The following PCDH15 variants were observed in gnomAD, a reference collection of about 807,000 sequenced individuals.
The protein encoded by PCDH15 is protocadherin-15.
A neutral mutation model predicts 178.5 loss-of-function variants in PCDH15; 129 were observed. The ratio of observed to expected loss-of-function variants is 0.72; its 90% CI spans 0.63 to 0.84. The LOEUF is 0.84. PCDH15 is among the 40% of genes least tolerant of loss of function. The probability of loss-of-function intolerance (pLI) is 0.00; values close to 1 mark genes in which losing one functional copy is unlikely to be tolerated. For synonymous variants in PCDH15, 800 were observed against 732.0 expected (o/e 1.09, Z -1.50); for missense variants, 2,230 against 2,099.9 (o/e 1.06, Z -1.21).
intron 2 of PCDH15, among the ~76,000 whole-genome samples, chr10:54,652,012 A>T (rs886824967): frequency 2.0e-5 from 3 of 151,892 alleles, no homozygotes; most frequent in African/African-American, 7.3e-5. Context: ...CAGTTCTTAT[A>T]TGCAAGGAAT....
chr10:55,359,726 A>G (rs1845179312), intron 2 of PCDH15, among the ~76,000 whole-genome samples: 3 of 109,082 alleles, frequency 2.8e-5, no homozygotes, highest in South Asian at 2.8e-4. Flanking sequence ...TGGTGTATAT[A>G]TATATATATA....
intron 1 of PCDH15, among the ~76,000 whole-genome samples, chr10:55,222,679 A>G (rs1840910400): frequency 6.9e-6 from 1 of 145,280 alleles, no homozygotes; most frequent in African/African-American, 2.6e-5. Context: ...GTTGATTGTC[A>G]TCTACAAGTA....
intron 2 of PCDH15, among the ~76,000 whole-genome samples, chr10:55,568,559 TA>T (rs1350761899): frequency 6.6e-6 from 1 of 151,776 alleles, no homozygotes; most frequent in East Asian, 1.9e-4. Flanking sequence ...TAAGAATAAA[TA>T]AATAAAAAAA....
intron 2 of PCDH15, among the ~76,000 whole-genome samples, chr10:55,083,858 C>T (rs1842100878): frequency 1.3e-5 from 2 of 151,590 alleles, no homozygotes; most frequent in African/African-American, 4.8e-5. Context: ...ATAAACTTAA[C>T]CAAACAAATG....
intron 2 of PCDH15, among the ~76,000 whole-genome samples, chr10:55,347,811 G>C (rs1477910053): frequency 2.6e-5 from 4 of 152,128 alleles, no homozygotes; most frequent in African/African-American, 9.7e-5. Flanking sequence ...GCCTGGGCAG[G>C]AGTCATTATA....
At chr10:54,193,640 T>C (rs1591080449) in intron 11 of PCDH15, among the ~76,000 whole-genome samples, 1 of 152,150 alleles carries the variant, frequency 6.6e-6, no homozygotes, top group Non-Finnish European at 1.5e-5. Context: ...TGAAACCCAC[T>C]ATACATCAGA....
chr10:54,371,687 A>G (rs10763102), intron 4 of PCDH15, among the ~76,000 whole-genome samples: 24,836 of 151,676 alleles, frequency 0.16, 2,487 homozygotes, highest in African/African-American at 0.28. Context: ...CACCTACTAT[A>G]TACCCATAAA....
intron 1 of PCDH15, among the ~76,000 whole-genome samples, chr10:55,248,199 T>C (rs1220516969): frequency 1.4e-5 from 2 of 146,446 alleles, no homozygotes; most frequent in East Asian, 2.0e-4. Context: ...TACATACACA[T>C]ATATATATAC....
At chr10:54,133,136 T>G in intron 14 of PCDH15, 129 bp from the exon 15 acceptor site, 1 of 1,142,260 alleles carries the variant, frequency 8.8e-7, no homozygotes, top group Non-Finnish European at 1.3e-6. Flanking sequence ...AATAATACAA[T>G]CAAAATGAAA....
intron 29 of PCDH15, among the ~76,000 whole-genome samples, chr10:53,833,418 T>G (rs1314521994): frequency 1.3e-5 from 2 of 152,132 alleles, no homozygotes; most frequent in Non-Finnish European, 2.9e-5. Flanking sequence ...TGATCTAGAC[T>G]ATCTTTCTTT....
intron 2 of PCDH15, among the ~76,000 whole-genome samples, chr10:55,499,552 A>C (rs975873684): frequency 6.6e-6 from 1 of 151,604 alleles, no homozygotes; most frequent in Non-Finnish European, 1.5e-5. Context: ...GTCTTTGTAC[A>C]TTCTTTTAAA....
intron 2 of PCDH15, among the ~76,000 whole-genome samples, chr10:54,634,142 A>G (rs1230525124): frequency 6.6e-6 from 1 of 151,920 alleles, no homozygotes; most frequent in Non-Finnish European, 1.5e-5. Flanking sequence ...ACAATACTGC[A>G]TTTCAAGAAG....
intron 1 of PCDH15, among the ~76,000 whole-genome samples, chr10:55,226,306 G>A (rs912439021): frequency 2.0e-5 from 3 of 152,068 alleles, no homozygotes; most frequent in East Asian, 1.9e-4. Context: ...TAATTCTATA[G>A]TAATTAATTT....
At chr10:55,176,276 A>C (rs1466941092) in intron 1 of PCDH15, among the ~76,000 whole-genome samples, 1 of 151,688 alleles carries the variant, frequency 6.6e-6, no homozygotes, top group Non-Finnish European at 1.5e-5. Context: ...CCTCTTGTTT[A>C]CTCCTGCCTT....
chr10:53,907,422 C>T (rs1174230613), intron 25 of PCDH15, among the ~76,000 whole-genome samples: 1 of 152,144 alleles, frequency 6.6e-6, no homozygotes, highest in African/African-American at 2.4e-5. Flanking sequence ...GTATTCCCCT[C>T]CAGTCTCCCT....
At chr10:54,591,218 C>G (rs1293866619) in intron 2 of PCDH15, among the ~76,000 whole-genome samples, 2 of 152,100 alleles carry the variant, frequency 1.3e-5, no homozygotes, top group African/African-American at 4.8e-5. Flanking sequence ...GTAAAAAGGA[C>G]TTTGTAGATG....
At chr10:54,346,325 CCTTTT>C in intron 6 of PCDH15, 35 bp downstream of exon 6, 1 of 1,588,420 alleles carries the variant, frequency 6.3e-7, no homozygotes. Context: ...TAATTTTATT[CCTTTT>C]AAGAAAATTA....
intron 3 of PCDH15, among the ~76,000 whole-genome samples, chr10:54,391,080 G>T (rs1006490702): frequency 6.6e-6 from 1 of 152,054 alleles, no homozygotes; most frequent in Non-Finnish European, 1.5e-5. Context: ...ATACCTGTTA[G>T]TTTACATTTT....
chr10:54,021,940 T>C (rs57677598), intron 19 of PCDH15, among the ~76,000 whole-genome samples: 18,152 of 151,904 alleles, frequency 0.12, 2,202 homozygotes, highest in African/African-American at 0.3. Flanking sequence ...AACTAATTAA[T>C]TAATTGACAG....
Sources: allele counts gnomAD v4.1 joint callset (sites outside exome capture counted in the v4.1 genomes callset), GRCh38; gene constraint gnomAD v4.1.1; transcripts MANE v1.5; gene names NCBI Gene and HGNC (gene_info 2026-07-23, HGNC 2026-07-21).